Variants in SEMA6D observed in about 807,000 individuals in gnomAD.
SEMA6D encodes the protein semaphorin-6D.
SEMA6D carries 35 observed loss-of-function variants against 106.6 expected under a neutral mutation model. That is an observed-to-expected ratio of 0.33 (90% CI 0.25 to 0.44). SEMA6D has a LOEUF of 0.44. SEMA6D is among the 20% of genes least tolerant of loss of function. The pLI is 1.00. For synonymous variants in SEMA6D, 499 were observed against 487.7 expected (o/e 1.02, Z -0.31); for missense variants, 1,185 against 1,345.9 (o/e 0.88, Z 1.87).
At chr15:47,714,458 AGTT>A (rs1325218039), upstream of SEMA6D, among the ~76,000 whole-genome samples, 1 of 152,228 alleles carries the variant, frequency 6.6e-6, no homozygotes, top group Non-Finnish European at 1.5e-5. Flanking sequence ...ACAGTTAAGA[AGTT>A]GTACTTTCTG....
chr15:47,607,410 C>G (rs1328820106), intron 4 of SEMA6D, among the ~76,000 whole-genome samples: 1 of 152,164 alleles, frequency 6.6e-6, no homozygotes, highest in Non-Finnish European at 1.5e-5. Flanking sequence ...GGTGACAAAG[C>G]AAGCTAGTGG....
At chr15:47,190,558 A>G (rs1194488214) in intron 1 of SEMA6D, among the ~76,000 whole-genome samples, 4 of 152,150 alleles carry the variant, frequency 2.6e-5, no homozygotes, top group African/African-American at 7.2e-5. Context: ...TCTTTATTCC[A>G]TGTCCGTGTC....
At chr15:47,199,804 G>A (rs1378807522) in intron 1 of SEMA6D, among the ~76,000 whole-genome samples, 2 of 152,136 alleles carry the variant, frequency 1.3e-5, no homozygotes, top group Non-Finnish European at 2.9e-5. Context: ...ATGTGTGTGT[G>A]TGTGAACTGA....
chr15:47,342,350 T>G (rs533944611), intron 1 of SEMA6D, among the ~76,000 whole-genome samples: 1 of 152,332 alleles, frequency 6.6e-6, no homozygotes, highest in African/African-American at 2.4e-5. Context: ...CTCTATTAAA[T>G]TTGTCTGAAG....
At chr15:47,297,449 C>T (rs577412691) in intron 1 of SEMA6D, among the ~76,000 whole-genome samples, 1 of 152,166 alleles carries the variant, frequency 6.6e-6, no homozygotes, top group East Asian at 1.9e-4. Context: ...TACTATTTCT[C>T]CCCCCACAAA....
intron 1 of SEMA6D, among the ~76,000 whole-genome samples, chr15:47,721,553 C>G (rs1241186559): frequency 6.6e-6 from 1 of 152,184 alleles, no homozygotes; most frequent in Non-Finnish European, 1.5e-5. Context: ...TTTAAACATA[C>G]CATAACACTT....
At chr15:47,201,124 C>G (rs538745905) in intron 1 of SEMA6D, among the ~76,000 whole-genome samples, 2 of 152,262 alleles carry the variant, frequency 1.3e-5, no homozygotes, top group African/African-American at 4.8e-5. Context: ...AATATTCAGT[C>G]TTTTAGATTT....
intron 4 of SEMA6D, among the ~76,000 whole-genome samples, chr15:47,623,090 A>C (rs780211678): frequency 1.8e-4 from 28 of 152,316 alleles, no homozygotes; most frequent in Admixed American, 5.2e-4. Context: ...CCCTGTCTTC[A>C]AGTCAAAATA....
In SEMA6D at chr15:47,485,060, G is replaced by A. The variant is rs1355426774; in HGVS notation, c.-87+14515G>A. Among the ~76,000 whole-genome samples, 6 of 152,266 alleles carry A rather than the reference G, an allele frequency of 3.9e-5. No homozygotes were observed. In the East Asian group the frequency reaches 7.7e-4, roughly 20 times the overall value. On this transcript the variant is annotated intron_variant, in intron 3 of 19. Coordinates refer to the SEMA6D transcript ENST00000558014. The stretch of plus-strand genomic sequence containing the variant: ...AATGTAATGATTTATGAATACTTAC[G>A]AATCTTTAGAGAACACTTCAAATTG...
rs1048798247 is a variant in SEMA6D at position 47,755,563 on chromosome 15, G to C, written c.-54-4182G>C. 1.6e-4 allele frequency among the ~76,000 whole-genome samples: 25 copies of C among 152,106 alleles called. No homozygotes were observed. The East Asian group carries it at 1.9e-3, about 12-fold the overall frequency. Reference sequence around the variant, plus strand: ...CTTTTCTGGCAAGCAGCTAGAGTGGGAGATTATATCCATTCAGTCTGGGAC... The same window carrying C: ...CTTTTCTGGCAAGCAGCTAGAGTGGCAGATTATATCCATTCAGTCTGGGAC... On this transcript the variant is annotated intron_variant, in intron 1 of 18. Coordinates refer to ENST00000536845, the MANE Select transcript of SEMA6D (RefSeq NM_001358351.3).
At chr15:47,338,623 T>C (rs537443612) in intron 1 of SEMA6D, among the ~76,000 whole-genome samples, 1 of 152,306 alleles carries the variant, frequency 6.6e-6, no homozygotes, top group Non-Finnish European at 1.5e-5. Flanking sequence ...ATTAATACAA[T>C]ATAATGGACT....
chr15:47,734,258 A>G (rs1380254797), intron 1 of SEMA6D, among the ~76,000 whole-genome samples: 1 of 152,196 alleles, frequency 6.6e-6, no homozygotes, highest in African/African-American at 2.4e-5. Flanking sequence ...CATGCAACAG[A>G]TAATTTTAGA....
chr15:47,312,083 G>A (rs1175547274), intron 1 of SEMA6D, among the ~76,000 whole-genome samples: 1 of 151,970 alleles, frequency 6.6e-6, no homozygotes, highest in African/African-American at 2.4e-5. Context: ...CCCAGTGATG[G>A]GCTAAGGTTT....
intron 3 of SEMA6D, among the ~76,000 whole-genome samples, chr15:47,536,539 G>C (rs759720324): frequency 1.3e-5 from 2 of 152,160 alleles, no homozygotes; most frequent in African/African-American, 2.4e-5. Context: ...GAAGGGTCTA[G>C]GTGTTCATCA....
At chr15:47,242,881 C>G (rs2032995811) in intron 1 of SEMA6D, among the ~76,000 whole-genome samples, 1 of 152,058 alleles carries the variant, frequency 6.6e-6, no homozygotes, top group Non-Finnish European at 1.5e-5. Flanking sequence ...TGTATACCTA[C>G]TATGTAAACA....
chr15:47,487,175 T>C (rs1735396040), intron 3 of SEMA6D, among the ~76,000 whole-genome samples: 1 of 152,234 alleles, frequency 6.6e-6, no homozygotes, highest in Non-Finnish European at 1.5e-5. Flanking sequence ...ACAGCCTAGA[T>C]TGACCAAGAC....
intron 4 of SEMA6D, among the ~76,000 whole-genome samples, chr15:47,684,313 G>T (rs1328415796): frequency 6.6e-6 from 1 of 151,982 alleles, no homozygotes; most frequent in Non-Finnish European, 1.5e-5. Context: ...CATTCATTAA[G>T]TACTTAGTAC....
At chr15:47,412,993 G>C (rs1331960019) in intron 2 of SEMA6D, among the ~76,000 whole-genome samples, 7 of 152,174 alleles carry the variant, frequency 4.6e-5, no homozygotes, top group Admixed American at 4.6e-4. Flanking sequence ...CTGGACACTT[G>C]CTGCTGTCAG....
chr15:47,765,042 C>T lies in SEMA6D; in HGVS notation c.1413C>T (p.Ala471=), dbSNP rs1338307073. The T allele has an allele frequency of 1.2e-6, 2 of 1,613,768 alleles. No individual in the cohort carries two copies. Among genetic ancestry groups the T allele is most frequent in the East Asian group, 4.5e-5 (2 of 44,840 alleles). Residue 471 remains alanine (A), a synonymous_variant, in exon 13 of 19, where the codon GCC becomes GCT. Coordinates refer to ENST00000536845, the MANE Select transcript of SEMA6D (RefSeq NM_001358351.3). ...NDSVLLEEIE[A]YNHAKCSAEN... is the part of the protein sequence containing the mutation. ...GCGTATTACTGGAAGAGATTGAAGC[C>T]TACAACCATGCAAAGTAGGTATATG... is the stretch of plus-strand genomic sequence containing the variant.
Sources: gnomAD v4.1 joint callset for allele counts (sites outside exome capture counted in the v4.1 genomes callset) on GRCh38, gnomAD v4.1.1 for gene constraint, MANE v1.5 for transcripts, NCBI Gene and HGNC (gene_info 2026-07-23, HGNC 2026-07-21) for gene names.